Variants in EFEMP1 observed in about 807,000 individuals in gnomAD.
EFEMP1 encodes EGF-containing fibulin-like extracellular matrix protein 1.
Under a neutral mutation model 65.7 loss-of-function variants are expected in EFEMP1, and 18 were observed. The ratio of observed to expected loss-of-function variants is 0.27; its 90% CI spans 0.19 to 0.41. The LOEUF is 0.41. EFEMP1 is among the 10% of genes least tolerant of loss of function. The pLI is 1.00. For missense variants in EFEMP1, 469 were observed against 624.8 expected (o/e 0.75, Z 2.66); for synonymous variants, 237 against 219.7 (o/e 1.08, Z -0.70).
At chr2:55,913,604 C>CTT (rs5831387) in intron 5 of EFEMP1, among the ~76,000 whole-genome samples, 42 of 147,600 alleles carry the variant, frequency 2.8e-4, no homozygotes, top group South Asian at 1.3e-3. Context: ...TCCCAAATGA[C>CTT]TTTTTTTTTT....
intron 8 of EFEMP1, among the ~76,000 whole-genome samples, chr2:55,875,335 T>TACACACACACACACACACACACAC (rs768780443): frequency 3.2e-5 from 4 of 125,398 alleles, no homozygotes; most frequent in African/African-American, 1.3e-4. Flanking sequence ...GTTTCATATA[T>TACACACACACACACACACACACAC]ACACACACAC....
At chr2:55,910,628 C>G (rs753085931) in intron 5 of EFEMP1, among the ~76,000 whole-genome samples, 8 of 152,154 alleles carry the variant, frequency 5.3e-5, no homozygotes, top group Non-Finnish European at 1.2e-4. Context: ...GCTTGCAATT[C>G]TACTCTAATC....
intron 5 of EFEMP1, among the ~76,000 whole-genome samples, chr2:55,891,606 A>G (rs907335409): frequency 5.3e-5 from 8 of 152,078 alleles, no homozygotes; most frequent in Admixed American, 4.6e-4. Context: ...TTTACAATCT[A>G]TCTCCCAACA....
At chr2:55,905,896 G>T (rs896189015) in intron 5 of EFEMP1, among the ~76,000 whole-genome samples, 2 of 152,106 alleles carry the variant, frequency 1.3e-5, no homozygotes, top group Admixed American at 1.3e-4. Flanking sequence ...TCTGTGATAG[G>T]TTGGTTTACT....
chr2:55,905,805 A>C (rs538213423), intron 5 of EFEMP1, among the ~76,000 whole-genome samples: 1 of 152,262 alleles, frequency 6.6e-6, no homozygotes, highest in Admixed American at 6.5e-5. Context: ...TTTGTAGCCA[A>C]GTTTTTACAA....
rs930339931 is a variant in EFEMP1 at position 55,919,489 on chromosome 2, A to G, written c.82-1222T>C. 2.6e-5 allele frequency among the ~76,000 whole-genome samples: 4 copies of G among 152,214 alleles called. No homozygotes were observed. The highest frequency in any genetic ancestry group is 9.6e-5 in the African/African-American group (4 of 41,452). On this transcript the variant is annotated intron_variant, in intron 3 of 11. Coordinates refer to ENST00000355426, the MANE Select transcript of EFEMP1 (RefSeq NM_001039348.3). The surrounding 1 kb of genome is among the most constrained non-coding windows in gnomAD (Gnocchi z 4.5). ...TTCTTGAGAAATGTTGCTACAGGCG[A>G]TAAGAGGCCTCTGAAGAATTTTTAA...
chr2:55,921,918 G>A lies in EFEMP1; in HGVS notation c.81+442C>T. On this transcript the variant is annotated intron_variant, in intron 3 of 11. Transcript: ENST00000355426. This position sits in a 1 kb window ranked among gnomAD's most constrained non-coding sequence, Gnocchi z 4.1. Reference sequence around the variant, plus strand: ...CAATAAAGGCCACTTACTTGAGAATGCATGTCATGTACACAAAGAAGGCCA... The same window carrying A: ...CAATAAAGGCCACTTACTTGAGAATACATGTCATGTACACAAAGAAGGCCA... The A allele has an allele frequency of 5.1e-6, 1 of 194,924 alleles. No homozygotes were observed. Among genetic ancestry groups the A allele is most frequent in the South Asian group, 9.4e-5 (1 of 10,638 alleles). The allele number at this position is 194,924 out of a possible 1,614,324, so 12.1% of individuals were successfully genotyped here.
intron 5 of EFEMP1, among the ~76,000 whole-genome samples, chr2:55,905,205 T>C (rs1245016028): frequency 6.6e-6 from 1 of 152,148 alleles, no homozygotes; most frequent in Admixed American, 6.5e-5. Flanking sequence ...TCAGGACTTT[T>C]ACTCAATTTT....
intron 5 of EFEMP1, among the ~76,000 whole-genome samples, chr2:55,903,530 T>C (rs1483348881): frequency 6.6e-6 from 1 of 152,154 alleles, no homozygotes; most frequent in African/African-American, 2.4e-5. Flanking sequence ...AACCCAGACC[T>C]ACCCAGAATC....
intron 8 of EFEMP1, 59 bp from the exon 9 acceptor site, chr2:55,875,124 GGA>G: frequency 1.1e-6 from 1 of 925,074 alleles, no homozygotes; most frequent in Non-Finnish European, 1.5e-6. Flanking sequence ...CCACTACTTT[GGA>G]TATATATATA....
chr2:55,907,573 A>G (rs1227695896), intron 5 of EFEMP1, among the ~76,000 whole-genome samples: 1 of 152,240 alleles, frequency 6.6e-6, no homozygotes, highest in African/African-American at 2.4e-5. Flanking sequence ...AGAAAATAGT[A>G]AAAATGTTAA....
Position 55,866,901 on chromosome 2 carries a change from A to G in EFEMP1, c.*172T>C, listed in dbSNP as rs1301583160. The G allele has an allele frequency of 2.5e-6, 2 of 803,352 alleles. No individual in the cohort carries two copies. Among genetic ancestry groups the G allele is most frequent in the East Asian group, 5.4e-5 (2 of 36,702 alleles). 49.8% of individuals were successfully genotyped at this position (803,352 alleles called of 1,614,324 possible). A position where few individuals can be genotyped will look rare whatever the true frequency, so the allele number is the denominator to read the frequency against. On this transcript the variant is annotated 3_prime_UTR_variant, in exon 12 of 12. Transcript: ENST00000355426. ...ATATAGTAATAAAGACAAACTTTGA[A>G]TCTTTACATATTAAATGCCCACTTT...
rs967298053 is a variant in EFEMP1, at chr2:55,881,681, T to C, written c.571A>G (p.Ile191Val). The C allele has an allele frequency of 1.2e-6, 2 of 1,614,014 alleles. No homozygotes were observed. Among genetic ancestry groups the C allele is most frequent in the Admixed American group, 3.3e-5 (2 of 60,008 alleles). Residue 191 changes from isoleucine to valine, a missense_variant, in exon 6 of 12, where the codon ATC becomes GTC. By Grantham distance (29) the Ile-to-Val change is conservative. This residue lies in a region of EFEMP1 where 399 missense variants were observed against 528.2 expected (regional missense o/e 0.76). Coordinates refer to ENST00000355426, the MANE Select transcript of EFEMP1 (RefSeq NM_001039348.3). ...CATGCAAAGGATCCCCGTAAATTGA[T>C]GCACACTTGGTCTGCTCTACAGTTG... ...THNCRADQVC[I>V]NLRGSFACQC...
chr2:55,900,756 A>T (rs1034240156), intron 5 of EFEMP1, among the ~76,000 whole-genome samples: 2 of 152,138 alleles, frequency 1.3e-5, no homozygotes, highest in Non-Finnish European at 1.5e-5. Context: ...TCATGCCACC[A>T]TCTCATATTA....
intron 11 of EFEMP1, among the ~76,000 whole-genome samples, chr2:55,869,810 G>A (rs1005665001): frequency 6.6e-6 from 1 of 152,028 alleles, no homozygotes; most frequent in South Asian, 2.1e-4. Flanking sequence ...GCTTGGTAGG[G>A]TGCCATCATT....
chr2:55,904,201 T>A (rs569525075), intron 5 of EFEMP1, among the ~76,000 whole-genome samples: 1 of 152,246 alleles, frequency 6.6e-6, no homozygotes, highest in African/African-American at 2.4e-5. Context: ...AGAGGGTGAG[T>A]GTCACTGAAA....
rs972143637 is a variant in EFEMP1, at chr2:55,919,656, A to T, written c.82-1389T>A. ...ATAACTGAGAGCTGCTTATGTACAC[A>T]ATGGATGCTTGACAAGGAAATAGCT... On this transcript the variant is annotated intron_variant, in intron 3 of 11. Transcript: ENST00000355426. The surrounding 1 kb of genome is among the most constrained non-coding windows in gnomAD (Gnocchi z 4.5). Among the ~76,000 whole-genome samples, 2 of 152,228 alleles carry T rather than the reference A, an allele frequency of 1.3e-5. No homozygotes were observed. The highest frequency in any genetic ancestry group is 4.8e-5 in the African/African-American group (2 of 41,454).
chr2:55,877,630 G>C lies in EFEMP1; in HGVS notation c.760+116C>G, dbSNP rs1485957908. On this transcript the variant is annotated intron_variant, in intron 7 of 11. Transcript: ENST00000355426. The surrounding 1 kb of genome is among the most constrained non-coding windows in gnomAD (Gnocchi z 4.5). ...TTATCTTTTAAGCTTTATGATTGCT[G>C]AAGGGAAGTCGATGGAAACTATTTA... 1.4e-6 allele frequency: 2 copies of C among 1,474,748 alleles called. No homozygotes were observed. Among genetic ancestry groups the C allele is most frequent in the Admixed American group, 3.4e-5 (2 of 58,170 alleles). 91.4% of individuals were successfully genotyped at this position (1,474,748 alleles called of 1,614,324 possible).
At chr2:55,869,023 C>A (rs1341324598) in intron 11 of EFEMP1, among the ~76,000 whole-genome samples, 2 of 152,032 alleles carry the variant, frequency 1.3e-5, no homozygotes, top group East Asian at 3.8e-4. Context: ...AATAATTTAA[C>A]ATTAACTCTG....
Sources: gnomAD v4.1 joint callset for allele counts (sites outside exome capture counted in the v4.1 genomes callset) on GRCh38, gnomAD v4.1.1 for gene constraint, gnomAD v4.1.1 regional missense constraint, Gnocchi (gnomAD v3.1) non-coding constraint, MANE v1.5 for transcripts, NCBI Gene and HGNC (gene_info 2026-07-23, HGNC 2026-07-21) for gene names.